RBFOX2: variants seen among roughly 807,000 people sequenced by gnomAD.
RBFOX2 encodes RNA binding fox-1 homolog 2.
A neutral mutation model predicts 49.1 loss-of-function variants in RBFOX2; 10 were observed. The observed-to-expected ratio is 0.20, with a 90% CI of 0.13 to 0.35. RBFOX2 has a LOEUF of 0.35. RBFOX2 is among the 10% of genes least tolerant of loss of function. The pLI is 1.00. For missense variants in RBFOX2, 323 were observed against 486.9 expected, an observed-to-expected ratio of 0.66 and a Z score of 3.17; for synonymous variants, 183 against 187.4, an observed-to-expected ratio of 0.98 and a Z score of 0.19.
intron 4 of RBFOX2, among the ~76,000 whole-genome samples, chr22:35,771,327 T>C (rs1942620725): frequency 6.6e-6 from 1 of 152,164 alleles, no homozygotes; most frequent in Non-Finnish European, 1.5e-5. Context: ...TGAGAAAGAC[T>C]TGACTGGCCA....
chr22:35,961,700 A>G (rs1381281258), upstream of RBFOX2: 25 of 1,300,382 alleles, frequency 1.9e-5, no homozygotes, highest in Non-Finnish European at 2.4e-5. Flanking sequence ...CTGCTTCCCT[A>G]TTGGCTTCAT....
chr22:35,973,578 T>C (rs752462071), intron 1 of RBFOX2, among the ~76,000 whole-genome samples: 48 of 152,204 alleles, frequency 3.2e-4, no homozygotes, highest in Non-Finnish European at 6.2e-4. Context: ...AACTGTCTGT[T>C]GTCAGCCCCT....
intron 1 of RBFOX2, among the ~76,000 whole-genome samples, chr22:35,877,255 A>G (rs947707912): frequency 2.6e-5 from 4 of 152,196 alleles, no homozygotes; most frequent in Admixed American, 2.0e-4. Flanking sequence ...GTAATGCTTA[A>G]TAAGTACTTG....
intron 6 of RBFOX2, 23 bp downstream of exon 7, chr22:35,765,400 T>C: frequency 6.8e-7 from 1 of 1,472,772 alleles, no homozygotes; most frequent in African/African-American, 1.4e-5. Flanking sequence ...ATAAACACTC[T>C]TTCGAAGATT....
At chr22:36,011,937 G>C (rs1351162594) in intron 1 of RBFOX2, among the ~76,000 whole-genome samples, 1 of 152,112 alleles carries the variant, frequency 6.6e-6, no homozygotes, top group Non-Finnish European at 1.5e-5. Context: ...TGAGTATACT[G>C]ACTATTTTCC....
chr22:35,954,783 G>T (rs2055360260), intron 1 of RBFOX2, among the ~76,000 whole-genome samples: 1 of 152,192 alleles, frequency 6.6e-6, no homozygotes, highest in South Asian at 2.1e-4. Flanking sequence ...AGAACTCACA[G>T]TCTAGTAAGG....
chr22:35,742,583 A>T (rs2145679857), exon 12 of RBFOX2: 1 of 152,728 alleles, frequency 6.5e-6, no homozygotes, highest in African/African-American at 2.4e-5. Context: ...CCTAGTACCA[A>T]TGTGACTAGA....
At chr22:35,897,771 A>T in intron 1 of RBFOX2, 1 of 761,652 alleles carries the variant, frequency 1.3e-6, no homozygotes, top group Non-Finnish European at 2.4e-6. Context: ...TAAGGAATCT[A>T]TCCTCTCTTC....
chr22:35,834,165 G>A (rs1237335853), intron 1 of RBFOX2, among the ~76,000 whole-genome samples: 1 of 152,182 alleles, frequency 6.6e-6, no homozygotes, highest in Non-Finnish European at 1.5e-5. Context: ...AAGCCAGTCT[G>A]TCTGGATATC....
intron 5 of RBFOX2, among the ~76,000 whole-genome samples, chr22:35,767,369 G>A (rs1276559046): frequency 1.3e-5 from 2 of 151,990 alleles, no homozygotes; most frequent in African/African-American, 4.8e-5. Context: ...TTCACTTACC[G>A]CCAACGGGCA....
At chr22:35,760,166 C>T (rs559911122) in intron 8 of RBFOX2, 146 bp from the exon 10 acceptor site, 33 of 1,026,956 alleles carry the variant, frequency 3.2e-5, no homozygotes, top group Admixed American at 1.3e-4. Flanking sequence ...ATTCAATAAA[C>T]GTTCTACCCT....
At chr22:35,992,921 G>T (rs1194683904) in intron 1 of RBFOX2, 1 of 152,080 alleles carries the variant, frequency 6.6e-6, no homozygotes, top group African/African-American at 2.4e-5. Context: ...CAGAAAACAG[G>T]ATACCTTGCT....
At chr22:35,978,721 C>T (rs938807581) in intron 1 of RBFOX2, among the ~76,000 whole-genome samples, 4 of 152,162 alleles carry the variant, frequency 2.6e-5, no homozygotes, top group Non-Finnish European at 5.9e-5. Context: ...AAATGGACTA[C>T]AGCCCACTGA....
intron 1 of RBFOX2, among the ~76,000 whole-genome samples, chr22:36,008,806 C>T (rs1333670649): frequency 6.6e-6 from 1 of 151,898 alleles, no homozygotes; most frequent in Non-Finnish European, 1.5e-5. Context: ...GAATGAGACA[C>T]TGTCTCAAAG....
chr22:35,930,124 C>T (rs58754985), intron 1 of RBFOX2, among the ~76,000 whole-genome samples: 2 of 149,774 alleles, frequency 1.3e-5, no homozygotes, highest in East Asian at 2.0e-4. Context: ...TGGGTTCAAG[C>T]GATTCTCGTG....
intron 1 of RBFOX2, among the ~76,000 whole-genome samples, chr22:35,971,066 A>G (rs2056844051): frequency 6.6e-6 from 1 of 152,162 alleles, no homozygotes; most frequent in Non-Finnish European, 1.5e-5. Flanking sequence ...CCTGCAGCTG[A>G]GTGTCACCAA....
chr22:35,782,998 C>T (rs1480055747), intron 2 of RBFOX2, among the ~76,000 whole-genome samples: 1 of 152,192 alleles, frequency 6.6e-6, no homozygotes, highest in East Asian at 1.9e-4. Flanking sequence ...TATGTGCCTG[C>T]ACTCTGTTAT....
chr22:36,027,160 G>A (rs993758026), intron 1 of RBFOX2, among the ~76,000 whole-genome samples: 2 of 152,072 alleles, frequency 1.3e-5, no homozygotes, highest in African/African-American at 4.8e-5. Context: ...GAAAACTATT[G>A]ACTCTCCTCC....
chr22:35,926,258 T>C (rs970084483), intron 1 of RBFOX2, among the ~76,000 whole-genome samples: 1 of 152,220 alleles, frequency 6.6e-6, no homozygotes, highest in Non-Finnish European at 1.5e-5. Context: ...GATTGCTTGG[T>C]AGTACTAACC....
Sources: gnomAD v4.1 joint callset for allele counts (sites outside exome capture counted in the v4.1 genomes callset) on GRCh38, gnomAD v4.1.1 for gene constraint, MANE v1.5 for transcripts, NCBI Gene and HGNC (gene_info 2026-07-23, HGNC 2026-07-21) for gene names.